Variants in FBXL20 observed in about 807,000 individuals in gnomAD.
The protein encoded by FBXL20 is F-box and leucine rich repeat protein 20.
A neutral mutation model predicts 64.0 loss-of-function variants in FBXL20; 11 were observed. The observed-to-expected ratio is 0.17, with a 90% CI of 0.11 to 0.28. FBXL20 has a LOEUF of 0.28. Ranked by LOEUF, FBXL20 falls within the 10% of genes least tolerant of loss-of-function variation. The pLI is 1.00. For synonymous variants in FBXL20, 184 were observed against 189.0 expected, an observed-to-expected ratio of 0.97 and a Z score of 0.22; for missense variants, 303 against 526.2, an observed-to-expected ratio of 0.58 and a Z score of 4.15.
At chr17:39,333,526 T>C (rs1228058890) in intron 2 of FBXL20, among the ~76,000 whole-genome samples, 5 of 151,968 alleles carry the variant, frequency 3.3e-5, no homozygotes, top group African/African-American at 1.2e-4. Flanking sequence ...CTGCCTTGGC[T>C]TCCCAAAGTG....
At chr17:39,383,161 C>CA (rs544953840) in intron 1 of FBXL20, among the ~76,000 whole-genome samples, 1,067 of 49,298 alleles carry the variant, frequency 0.022, 11 homozygotes, top group African/African-American at 0.045. Context: ...GACTCTGTCT[C>CA]AAAAAAAAAA....
At chr17:39,385,245 GCACA>G (rs143104131) in intron 1 of FBXL20, among the ~76,000 whole-genome samples, 23 of 150,144 alleles carry the variant, frequency 1.5e-4, no homozygotes, top group Non-Finnish European at 2.4e-4. Context: ...GCGCGTGCGT[GCACA>G]CACACACACA....
At chr17:39,261,643 T>C in intron 14 of FBXL20, 76 bp from the exon 15 acceptor site, 2 of 1,076,542 alleles carry the variant, frequency 1.9e-6, no homozygotes, top group South Asian at 2.9e-5. Context: ...TTAGAAAAAC[T>C]ACCGAGGGGC....
chr17:39,341,578 T>C lies in FBXL20; in HGVS notation c.104+1602A>G, dbSNP rs1487955256. Among the ~76,000 whole-genome samples, 6 of 152,306 alleles carry C rather than the reference T, an allele frequency of 3.9e-5. No individual in the cohort carries two copies. The South Asian group carries it at 8.3e-4, about 21-fold the overall frequency. ...CATATGTGACTGTGTATATATATGG[T>C]ACCTACAGGACTGTTTACATATGTT... On this transcript the variant is annotated intron_variant, in intron 2 of 14. Transcript: ENST00000264658.
chr17:39,348,344 C>A (rs913412097), intron 1 of FBXL20, among the ~76,000 whole-genome samples: 2 of 152,030 alleles, frequency 1.3e-5, no homozygotes, highest in African/African-American at 4.8e-5. Context: ...ACCTGTAGTT[C>A]CAGCTACTTG....
At chr17:39,326,423 C>T (rs1189526172) in intron 2 of FBXL20, among the ~76,000 whole-genome samples, 3 of 151,812 alleles carry the variant, frequency 2.0e-5, no homozygotes, top group Non-Finnish European at 4.4e-5. Context: ...CGTTCCAAGC[C>T]AGCCTGGGCA....
intron 2 of FBXL20, among the ~76,000 whole-genome samples, chr17:39,305,429 G>C (rs779239158): frequency 6.6e-6 from 1 of 152,214 alleles, no homozygotes; most frequent in African/African-American, 2.4e-5. Context: ...GGGAGATCAG[G>C]CAAGGTGGCT....
intron 4 of FBXL20, 152 bp from the exon 5 acceptor site, chr17:39,299,236 T>G (rs576133896): frequency 1.6e-6 from 1 of 606,840 alleles, no homozygotes; most frequent in Non-Finnish European, 2.9e-6. Flanking sequence ...TGAGAAAGCT[T>G]TCCTGATTAA....
rs375495610 is a variant in FBXL20, at chr17:39,384,481, C to A, written c.42+16880G>T. Among the ~76,000 whole-genome samples the A allele has an allele frequency of 8.0e-4, 122 of 151,612 alleles. 1 individual carries two copies. The highest frequency in any genetic ancestry group is 2.9e-3 in the African/African-American group (119 of 41,314). Reference sequence around the variant, plus strand: ...CAGAGGTTGTAGTGAGCCGAGATCACGTCACTGCACTCCACCCTGGAGGCA... The same window carrying A: ...CAGAGGTTGTAGTGAGCCGAGATCAAGTCACTGCACTCCACCCTGGAGGCA... On this transcript the variant is annotated intron_variant, in intron 1 of 14. Transcript: ENST00000264658.
chr17:39,268,624 T>G (rs964579378), intron 12 of FBXL20, among the ~76,000 whole-genome samples: 1 of 152,186 alleles, frequency 6.6e-6, no homozygotes, highest in Admixed American at 6.6e-5. Flanking sequence ...AATGGCAACC[T>G]GATTGATGGC....
chr17:39,377,792 C>G (rs950615653), intron 1 of FBXL20, among the ~76,000 whole-genome samples: 1 of 152,156 alleles, frequency 6.6e-6, no homozygotes, highest in Admixed American at 6.6e-5. Context: ...CGTAAGCCAC[C>G]GTGCCCAGCC....
At position 39,256,995 on chromosome 17, in the gene FBXL20, CTTT is replaced by C. The variant is rs1555600303; in HGVS notation, c.*4462_*4464del. 2 of 148,428 alleles carry C rather than the reference CTTT, an allele frequency of 1.3e-5. No individual in the cohort carries two copies. The highest frequency in any genetic ancestry group is 3.9e-4 in the East Asian group (2 of 5,160). The allele number at this position is 148,428 out of a possible 1,614,324, so 9.2% of individuals were successfully genotyped here. On this transcript the variant is annotated 3_prime_UTR_variant, in exon 15 of 15. Transcript: ENST00000264658. ...GATGCATTTTTTTCTTTCTTTCTTTCTTTTTTTTTGAGATAGTCTCACTCTGTC... is the reference window on the plus strand; with the variant it reads ...GATGCATTTTTTTCTTTCTTTCTTTCTTTTTTGAGATAGTCTCACTCTGTC...
At chr17:39,382,602 G>A (rs946959811) in intron 1 of FBXL20, among the ~76,000 whole-genome samples, 3 of 152,162 alleles carry the variant, frequency 2.0e-5, no homozygotes, top group African/African-American at 7.2e-5. Context: ...GGAAGCTGAT[G>A]TGGGAGGATC....
At chr17:39,382,770 T>A (rs1271297136) in intron 1 of FBXL20, among the ~76,000 whole-genome samples, 2 of 151,040 alleles carry the variant, frequency 1.3e-5, no homozygotes, top group African/African-American at 4.9e-5. Context: ...AGCTCAGGAG[T>A]TGCAGGCTGC....
At chr17:39,295,820 C>A (rs1003995107) in intron 6 of FBXL20, among the ~76,000 whole-genome samples, 1 of 129,540 alleles carries the variant, frequency 7.7e-6, no homozygotes, top group Non-Finnish European at 1.7e-5. Flanking sequence ...GTCTTCTGGC[C>A]CTATAAAAGG....
chr17:39,268,143 G>A (rs997137808), intron 12 of FBXL20, among the ~76,000 whole-genome samples: 1 of 152,094 alleles, frequency 6.6e-6, no homozygotes, highest in African/African-American at 2.4e-5. Context: ...CCTGAGGTCA[G>A]GAGTTCAAAA....
intron 2 of FBXL20, among the ~76,000 whole-genome samples, chr17:39,336,392 A>G (rs1158318964): frequency 6.6e-6 from 1 of 152,238 alleles, no homozygotes; most frequent in African/African-American, 2.4e-5. Context: ...AATTTAAAAG[A>G]CAAAGAAAGG....
intron 1 of FBXL20, among the ~76,000 whole-genome samples, chr17:39,371,977 C>T (rs765509608): frequency 9.2e-5 from 14 of 152,154 alleles, no homozygotes; most frequent in Non-Finnish European, 1.8e-4. Context: ...TTCTGTTGTA[C>T]GTGGTACCTT....
chr17:39,401,545 C>T lies in FBXL20; in HGVS notation c.-143G>A. On this transcript the variant is annotated 5_prime_UTR_variant, in exon 1 of 15. Transcript: ENST00000264658. ...GGACCGTGGGACGGGAACAAGAGAC[C>T]TCTCGGCTCCGGCTAGGCCTCCACC... 1 of 1,433,084 alleles carries T rather than the reference C, an allele frequency of 7.0e-7. No individual in the cohort carries two copies. The highest frequency in any genetic ancestry group is 1.5e-5 in the South Asian group (1 of 66,956). The allele number at this position is 1,433,084 out of a possible 1,614,324, so 88.8% of individuals were successfully genotyped here. A position where few individuals can be genotyped will look rare whatever the true frequency, so the allele number is the denominator to read the frequency against.
Sources: gnomAD v4.1 joint callset for allele counts (sites outside exome capture counted in the v4.1 genomes callset) on GRCh38, gnomAD v4.1.1 for gene constraint, MANE v1.5 for transcripts, NCBI Gene and HGNC (gene_info 2026-07-23, HGNC 2026-07-21) for gene names.